DLGAP4: variants seen among roughly 807,000 people sequenced by gnomAD.
DLGAP4 encodes the protein disks large-associated protein 4.
DLGAP4 carries 18 observed loss-of-function variants against 86.9 expected under a neutral mutation model. That is an observed-to-expected ratio of 0.21 (90% CI 0.14 to 0.31). DLGAP4 has a LOEUF of 0.31. Ranked by LOEUF, DLGAP4 falls within the 10% of genes least tolerant of loss-of-function variation. DLGAP4 has a pLI of 1.00. For synonymous variants in DLGAP4, 548 were observed against 574.3 expected (o/e 0.95, Z 0.65); for missense variants, 1,085 against 1,362.6 (o/e 0.80, Z 3.21).
At chr20:36,384,214 C>T (rs1351517139) in intron 2 of DLGAP4, among the ~76,000 whole-genome samples, 1 of 152,094 alleles carries the variant, frequency 6.6e-6, no homozygotes, top group Admixed American at 6.5e-5. Flanking sequence ...GTCCGTGGTG[C>T]TGAAGATAGA....
intron 10 of DLGAP4, among the ~76,000 whole-genome samples, chr20:36,511,923 A>G (rs2036721968): frequency 6.6e-6 from 1 of 151,818 alleles, no homozygotes; most frequent in Admixed American, 6.6e-5. Context: ...GCTAGTAGGT[A>G]GAAATGTTTA....
At chr20:36,335,894 TGTTGACTCCCAGGG>T (rs1166043245) in intron 1 of DLGAP4, among the ~76,000 whole-genome samples, 9 of 152,122 alleles carry the variant, frequency 5.9e-5, no homozygotes, top group Non-Finnish European at 1.0e-4. Context: ...TGTAATGACT[TGTTGACTCCCAGGG>T]GTTGCAAACT....
At chr20:36,362,593 A>T (rs1453542314) in intron 1 of DLGAP4, among the ~76,000 whole-genome samples, 4 of 152,220 alleles carry the variant, frequency 2.6e-5, no homozygotes, top group African/African-American at 9.6e-5. Flanking sequence ...TGGTCAAGGA[A>T]TATCTCCAGT....
chr20:36,500,138 C>T lies in DLGAP4; in HGVS notation c.2100-61C>T. ...TGTCCGGGTCAAGGCGGCCTCTGGT[C>T]TCTGGCCCTCTTGGTGACTCACTCC... On this transcript the variant is annotated intron_variant, in intron 9 of 12. Coordinates refer to ENST00000339266, the MANE Select transcript of DLGAP4 (RefSeq NM_001365621.2). This position sits in a 1 kb window ranked among gnomAD's most constrained non-coding sequence, Gnocchi z 4.6. 1 of 1,495,592 alleles carries T rather than the reference C, an allele frequency of 6.7e-7. No individual in the cohort carries two copies. The highest frequency in any genetic ancestry group is 1.4e-5 in the South Asian group (1 of 71,990). 92.6% of individuals were successfully genotyped at this position (1,495,592 alleles called of 1,614,324 possible).
chr20:36,360,487 G>A (rs1346543906), intron 1 of DLGAP4, among the ~76,000 whole-genome samples: 8 of 152,166 alleles, frequency 5.3e-5, no homozygotes, highest in East Asian at 1.9e-4. Context: ...CACCTGCCAC[G>A]ACCCCGTTCT....
intron 10 of DLGAP4, among the ~76,000 whole-genome samples, chr20:36,502,360 T>A (rs780751463): frequency 5.9e-5 from 9 of 152,152 alleles, no homozygotes; most frequent in Non-Finnish European, 1.3e-4. Flanking sequence ...TTAAAAAAAT[T>A]TTTTAAGAGA....
At position 36,416,792 on chromosome 20, in the gene DLGAP4, G is replaced by A. The variant is rs144356605; in HGVS notation, c.-72-14854G>A. ...GAACAGAAACGCCAGCCTAGCCTGT[G>A]TGGGATTCAGACATGGAGAAGAAGC... On this transcript the variant is annotated intron_variant, in intron 2 of 12. Coordinates refer to ENST00000339266, the MANE Select transcript of DLGAP4 (RefSeq NM_001365621.2). Among the ~76,000 whole-genome samples, 771 of 152,294 alleles carry A rather than the reference G, an allele frequency of 5.1e-3. 9 individuals carry two copies. The highest frequency in any genetic ancestry group is 0.018 in the African/African-American group (741 of 41,562).
At chr20:36,503,773 G>T (rs921412806) in intron 10 of DLGAP4, among the ~76,000 whole-genome samples, 2 of 152,172 alleles carry the variant, frequency 1.3e-5, no homozygotes, top group African/African-American at 4.8e-5. Flanking sequence ...GGGATTACAG[G>T]CGTGAGCCAC....
At chr20:36,394,975 A>G (rs1023654317) in intron 2 of DLGAP4, among the ~76,000 whole-genome samples, 5 of 152,064 alleles carry the variant, frequency 3.3e-5, no homozygotes, top group Admixed American at 2.0e-4. Context: ...GTGGCCCTCC[A>G]GGACCCTCCC....
At chr20:36,513,130 C>T (rs967555959) in intron 10 of DLGAP4, among the ~76,000 whole-genome samples, 33 of 150,860 alleles carry the variant, frequency 2.2e-4, no homozygotes, top group Non-Finnish European at 3.7e-4. Context: ...TACCAAGTTG[C>T]CCAGGCTGGT....
intron 2 of DLGAP4, among the ~76,000 whole-genome samples, chr20:36,415,652 C>G (rs553897854): frequency 5.3e-5 from 8 of 152,316 alleles, no homozygotes; most frequent in South Asian, 4.1e-4. Flanking sequence ...GTAAGTGGCT[C>G]AAGGTCACAC....
intron 8 of DLGAP4, chr20:36,497,560 C>A (rs1215426359): frequency 2.1e-5 from 21 of 988,336 alleles, no homozygotes; most frequent in Non-Finnish European, 2.5e-5. Flanking sequence ...GGGGGTTGCT[C>A]GAGGGGAACT....
At chr20:36,512,834 G>A (rs2036786523) in intron 10 of DLGAP4, 1 of 151,888 alleles carries the variant, frequency 6.6e-6, no homozygotes, top group Non-Finnish European at 1.5e-5. Context: ...GCAAGGCTGA[G>A]GGAAGCCACC....
chr20:36,339,006 G>A (rs1555892279), intron 1 of DLGAP4, among the ~76,000 whole-genome samples: 1 of 152,268 alleles, frequency 6.6e-6, no homozygotes, highest in Non-Finnish European at 1.5e-5. Flanking sequence ...GGACTCAGCG[G>A]CTCTCTCGGG....
At chr20:36,321,385 G>A (rs565459665) in intron 1 of DLGAP4, among the ~76,000 whole-genome samples, 1 of 152,362 alleles carries the variant, frequency 6.6e-6, no homozygotes, top group East Asian at 1.9e-4. Flanking sequence ...CTGCCCCATG[G>A]GCCCTGGAGG....
At chr20:36,365,239 C>T (rs1245468605) in intron 1 of DLGAP4, among the ~76,000 whole-genome samples, 1 of 152,236 alleles carries the variant, frequency 6.6e-6, no homozygotes, top group Non-Finnish European at 1.5e-5. Flanking sequence ...CACAGGCCAC[C>T]TCCCTTGGTT....
intron 5 of DLGAP4, among the ~76,000 whole-genome samples, chr20:36,442,275 A>G (rs986005241): frequency 6.6e-6 from 1 of 151,776 alleles, no homozygotes; most frequent in Non-Finnish European, 1.5e-5. Context: ...GCTCACTGCA[A>G]CCTCCGCCTC....
intron 10 of DLGAP4, chr20:36,512,868 A>AG (rs796903011): frequency 1.1e-4 from 14 of 133,220 alleles, no homozygotes; most frequent in African/African-American, 3.9e-4. Flanking sequence ...CATGAGCCAG[A>AG]GGAGAGGGAT....
chr20:36,437,556 A>C (rs1277920170), intron 4 of DLGAP4, among the ~76,000 whole-genome samples: 1 of 152,186 alleles, frequency 6.6e-6, no homozygotes, highest in African/African-American at 2.4e-5. Context: ...GAAGCCAAAG[A>C]GTGATAGACA....
Sources: gnomAD v4.1 joint callset for allele counts (sites outside exome capture counted in the v4.1 genomes callset) on GRCh38, gnomAD v4.1.1 for gene constraint, Gnocchi (gnomAD v3.1) non-coding constraint, MANE v1.5 for transcripts, NCBI Gene and HGNC (gene_info 2026-07-23, HGNC 2026-07-21) for gene names.